The following SPMIP2 variants were observed in gnomAD, a reference collection of about 807,000 sequenced individuals.
SPMIP2 encodes the protein sperm microtubule inner protein 2, also known as protein SPMIP2.
the SPMIP2 span, among the ~76,000 whole-genome samples, chr4:158,939,751 G>A: frequency 6.6e-6 from 1 of 152,164 alleles, no homozygotes; most frequent in Admixed American, 6.5e-5. Context: ...GCCGAGATGA[G>A]TGGATCACCT....
At chr4:158,976,268 A>G in the SPMIP2 span, among the ~76,000 whole-genome samples, 1 of 152,172 alleles carries the variant, frequency 6.6e-6, no homozygotes, top group African/African-American at 2.4e-5. Context: ...TCCTATTTGA[A>G]TACATTTATT....
chr4:159,077,460 A>G, the SPMIP2 span, among the ~76,000 whole-genome samples: 3 of 152,074 alleles, frequency 2.0e-5, no homozygotes, highest in South Asian at 2.1e-4. Flanking sequence ...TTTTCTTTTA[A>G]TGTGTTTTTC....
the SPMIP2 span, among the ~76,000 whole-genome samples, chr4:158,954,078 G>A: frequency 7.7e-4 from 117 of 152,282 alleles, 1 homozygote; most frequent in African/African-American, 2.6e-3. Context: ...AGGCATGATT[G>A]GTTTTGAAAT....
chr4:158,900,930 T>A, the SPMIP2 span, among the ~76,000 whole-genome samples: 4 of 152,310 alleles, frequency 2.6e-5, no homozygotes, highest in Admixed American at 2.6e-4. Flanking sequence ...TTCATAGTGT[T>A]GATGGTCTTT....
the SPMIP2 span, among the ~76,000 whole-genome samples, chr4:159,048,436 T>C: frequency 6.6e-6 from 1 of 152,154 alleles, no homozygotes; most frequent in Admixed American, 6.5e-5. Flanking sequence ...GAAGTTGCAC[T>C]GTATTAGGCT....
At chr4:159,006,261 T>A in the SPMIP2 span, among the ~76,000 whole-genome samples, 2 of 151,488 alleles carry the variant, frequency 1.3e-5, no homozygotes, top group African/African-American at 4.9e-5. Context: ...GAGGGAGAGG[T>A]TTTTAGTGTA....
the SPMIP2 span, among the ~76,000 whole-genome samples, chr4:159,002,317 T>A: frequency 1.3e-5 from 2 of 151,574 alleles, no homozygotes; most frequent in Non-Finnish European, 1.5e-5. Context: ...GTTTCATTTT[T>A]TAAAGTGTCT....
At chr4:158,985,457 T>C in the SPMIP2 span, among the ~76,000 whole-genome samples, 3 of 151,958 alleles carry the variant, frequency 2.0e-5, no homozygotes, top group Admixed American at 6.6e-5. Context: ...GCTTCATCCC[T>C]GGGATGCAAG....
the SPMIP2 span, among the ~76,000 whole-genome samples, chr4:158,999,636 TAA>T: frequency 6.6e-5 from 10 of 152,234 alleles, no homozygotes; most frequent in African/African-American, 2.2e-4. Flanking sequence ...CTTCTCTACT[TAA>T]GACACCCAGG....
chr4:159,061,305 C>G, the SPMIP2 span, among the ~76,000 whole-genome samples: 1 of 151,844 alleles, frequency 6.6e-6, no homozygotes, highest in Non-Finnish European at 1.5e-5. Flanking sequence ...TGTTCCCTGT[C>G]CCCTCATCAC....
the SPMIP2 span, among the ~76,000 whole-genome samples, chr4:158,999,529 A>G: frequency 1.3e-5 from 2 of 152,254 alleles, no homozygotes; most frequent in African/African-American, 2.4e-5. Flanking sequence ...TAAACCTGCT[A>G]TCTGGATTAT....
chr4:158,982,951 C>T, the SPMIP2 span, among the ~76,000 whole-genome samples: 4 of 152,068 alleles, frequency 2.6e-5, no homozygotes, highest in East Asian at 3.9e-4. Context: ...ATAACCAATA[C>T]AGAGAAGTGC....
the SPMIP2 span, among the ~76,000 whole-genome samples, chr4:158,965,100 T>C: frequency 1.3e-5 from 2 of 152,156 alleles, no homozygotes; most frequent in African/African-American, 4.8e-5. Context: ...AGAAAAGGCA[T>C]GTTTTTCAAT....
the SPMIP2 span, among the ~76,000 whole-genome samples, chr4:159,063,864 G>A: frequency 6.6e-6 from 1 of 152,150 alleles, no homozygotes; most frequent in Non-Finnish European, 1.5e-5. Context: ...AGTGGCTCAT[G>A]GGTTTGCATT....
the SPMIP2 span, among the ~76,000 whole-genome samples, chr4:158,985,980 T>C: frequency 1.2e-3 from 172 of 147,886 alleles, no homozygotes; most frequent in African/African-American, 3.7e-3. Flanking sequence ...AGCATTCTTA[T>C]ACACCAACAA....
At chr4:159,022,316 A>C in the SPMIP2 span, among the ~76,000 whole-genome samples, 1 of 152,288 alleles carries the variant, frequency 6.6e-6, no homozygotes, top group African/African-American at 2.4e-5. Context: ...AACATATTCC[A>C]TTTTTATATT....
the SPMIP2 span, among the ~76,000 whole-genome samples, chr4:158,977,875 G>C: frequency 1.3e-5 from 2 of 152,134 alleles, no homozygotes; most frequent in Non-Finnish European, 2.9e-5. Context: ...CTGCCTCCCA[G>C]TGCTGGGATT....
the SPMIP2 span, among the ~76,000 whole-genome samples, chr4:158,924,214 G>A: frequency 6.6e-6 from 1 of 152,302 alleles, no homozygotes; most frequent in Middle Eastern, 3.4e-3. Context: ...GAGCCACCCA[G>A]TCTGTGGTAC....
At chr4:158,953,340 T>C in the SPMIP2 span, among the ~76,000 whole-genome samples, 377 of 152,316 alleles carry the variant, frequency 2.5e-3, 1 homozygote, top group African/African-American at 8.9e-3. Flanking sequence ...CTTCAGAAGG[T>C]GCAAGCCCCA....
Sources: gnomAD v4.1 joint callset for allele counts (sites outside exome capture counted in the v4.1 genomes callset) on GRCh38, gnomAD v4.1.1 for gene constraint, MANE v1.5 for transcripts, NCBI Gene and HGNC (gene_info 2026-07-23, HGNC 2026-07-21) for gene names.